MAN2A2: variants seen among roughly 807,000 people sequenced by gnomAD.
The protein encoded by MAN2A2 is alpha-mannosidase 2x.
A neutral mutation model predicts 126.8 loss-of-function variants in MAN2A2; 79 were observed. The observed-to-expected ratio is 0.62, with a 90% CI of 0.52 to 0.75. The LOEUF is 0.75. Ranked by LOEUF, MAN2A2 falls within the 30% of genes least tolerant of loss-of-function variation. The pLI, the probability that MAN2A2 is intolerant of heterozygous loss-of-function variation, is 0.00. For synonymous variants in MAN2A2, 671 were observed against 618.7 expected (o/e 1.08, Z -1.25); for missense variants, 1,392 against 1,522.4 (o/e 0.91, Z 1.43).
intron 4 of MAN2A2, 47 bp from the exon 5 acceptor site, chr15:90,905,798 C>T (rs1339474955): frequency 3.8e-6 from 6 of 1,588,540 alleles, no homozygotes; most frequent in Middle Eastern, 1.7e-4. Flanking sequence ...GGAGGGACGT[C>T]GAAGAAGATG....
chr15:90,904,933 GC>G (rs2151290361), intron 2 of MAN2A2, among the ~76,000 whole-genome samples: 1 of 152,294 alleles, frequency 6.6e-6, no homozygotes, highest in Admixed American at 6.5e-5. Context: ...ATTGATTGCA[GC>G]ATTCTTTGCC....
chr15:90,902,657 C>G (rs553278428), upstream of MAN2A2: 3 of 151,276 alleles, frequency 2.0e-5, no homozygotes, highest in African/African-American at 7.3e-5. Flanking sequence ...GCGGGGACCG[C>G]GGCGGCCAGA....
At chr15:90,913,497 C>A in intron 18 of MAN2A2, 91 bp downstream of exon 18, 1 of 1,569,366 alleles carries the variant, frequency 6.4e-7, no homozygotes, top group Non-Finnish European at 8.7e-7. Flanking sequence ...GATGATCTGC[C>A]CTGATGGAGA....
rs1488279784 is a variant in MAN2A2, at chr15:90,922,236, T to G, written c.*2449T>G. On this transcript the variant is annotated 3_prime_UTR_variant, in exon 23 of 23. Transcript: ENST00000559717. The stretch of plus-strand genomic sequence containing the variant: ...AGGAGAAAAGCTTGCTTCAGGGTCC[T>G]TAGAGAAAGTCACTGGGGCCTGCCA... 6.6e-6 allele frequency: 1 copy of G among 152,170 alleles called. No individual in the cohort carries two copies. The highest frequency in any genetic ancestry group is 2.4e-5 in the African/African-American group (1 of 41,436). The allele number at this position is 152,170 out of a possible 1,614,324, so 9.4% of individuals were successfully genotyped here. A position where few individuals can be genotyped will look rare whatever the true frequency, so the allele number is the denominator to read the frequency against.
chr15:90,912,897 C>G lies in MAN2A2; in HGVS notation c.2490C>G (p.Pro830=). 6.2e-7 allele frequency: 1 copy of G among 1,614,040 alleles called. No homozygotes were observed. The highest frequency in any genetic ancestry group is 8.5e-7 in the Non-Finnish European group (1 of 1,179,940). The part of the protein sequence containing the change: ...GEAKPYVPKE[P]PVLRVTEGPF... ...TCTAGCCCTACGTCCCCAAGGAGCC[C>G]CCCGTGCTGCGTGTCACTGAAGGCC... The change falls in exon 17 of 23, where the codon CCC becomes CCG. Residue 830 remains proline (P), a synonymous_variant. Coordinates refer to ENST00000559717, the MANE Select transcript of MAN2A2 (RefSeq NM_006122.4).
chr15:90,918,344 C>T lies in MAN2A2; in HGVS notation c.3145C>T (p.Pro1049Ser), dbSNP rs760390992. 1.2e-5 allele frequency: 20 copies of T among 1,614,168 alleles called. No individual in the cohort carries two copies. Among genetic ancestry groups the T allele is most frequent in the Non-Finnish European group, 1.7e-5 (20 of 1,180,016 alleles). ...RSFHPLASSL[P>S]CDFHLLNLRT... ...ATTTCATCCTCTGGCTTCCTCACTG[C>T]CCTGTGACTTCCACCTGCTCAACCT... The change falls in exon 21 of 23, where the codon CCC becomes TCC. Residue 1049 changes from proline to serine, a missense_variant. Pro to Ser is a moderately conservative substitution (Grantham distance 74). Transcript: ENST00000559717.
Position 90,919,688 on chromosome 15 carries a change from C to T in MAN2A2, c.3354C>T (p.Thr1118=), listed in dbSNP as rs1339867107. ...HGLDVVFLQP[T]SLTLLYPLAS... ...TGGATGTGGTATTCCTTCAGCCAAC[C>T]TCCTTGACGTTACTGTACCCTCTGG... Residue 1118 remains threonine, a synonymous_variant, in exon 23 of 23, where the codon ACC becomes ACT. Transcript: ENST00000559717. The T allele has an allele frequency of 6.2e-7, 1 of 1,614,134 alleles. No individual in the cohort carries two copies. Among genetic ancestry groups the T allele is most frequent in the Non-Finnish European group, 8.5e-7 (1 of 1,180,056 alleles).
chr15:90,917,243 C>G (rs1317686639), intron 20 of MAN2A2, among the ~76,000 whole-genome samples: 1 of 152,244 alleles, frequency 6.6e-6, no homozygotes, highest in Admixed American at 6.5e-5. Flanking sequence ...ATATTTCCAT[C>G]CTTGCAGAAT....
chr15:90,908,099 A>C (rs2034442934), intron 8 of MAN2A2, among the ~76,000 whole-genome samples: 1 of 152,242 alleles, frequency 6.6e-6, no homozygotes, highest in Non-Finnish European at 1.5e-5. Context: ...AACGTGACCA[A>C]AAGGGAAATA....
intron 17 of MAN2A2, 91 bp downstream of exon 17, chr15:90,913,082 C>T: frequency 8.4e-7 from 1 of 1,190,344 alleles, no homozygotes; most frequent in Non-Finnish European, 1.2e-6. Context: ...CTGTTCATAC[C>T]TCTGTTCCGT....
chr15:90,912,404 C>T (rs1365752507), intron 15 of MAN2A2, 125 bp downstream of exon 15: 18 of 1,565,484 alleles, frequency 1.1e-5, no homozygotes, highest in South Asian at 1.0e-4. Context: ...TGGACCGGGG[C>T]CTGGGCCATC....
At chr15:90,918,111 C>T in intron 20 of MAN2A2, 83 bp from the exon 21 acceptor site, 1 of 1,330,002 alleles carries the variant, frequency 7.5e-7, no homozygotes, top group Non-Finnish European at 1.1e-6. Context: ...AAACAACTGA[C>T]CTGGGTGTGC....
intron 14 of MAN2A2, 165 bp from the exon 15 acceptor site, chr15:90,911,875 AAGT>A (rs1315428928): frequency 7.4e-6 from 5 of 674,064 alleles, no homozygotes; most frequent in Admixed American, 2.4e-5. Context: ...GAGAATCATA[AAGT>A]CTGATGAGGA....
chr15:90,916,635 A>G (rs1011042717), intron 20 of MAN2A2: 70 of 1,301,440 alleles, frequency 5.4e-5, no homozygotes, highest in Non-Finnish European at 6.9e-5. Context: ...TTGATCTTTC[A>G]CAGCAGCAGG....
At position 90,913,283 on chromosome 15, in the gene MAN2A2, G is replaced by T. The variant is rs529628611; in HGVS notation, c.2595G>T (p.Gly865=). Reference sequence around the variant, plus strand: ...TGTTCCTGTACCCAGGGGTGGAGGGGCTGTCTCTGGACATATCATCCCTGG... The same window carrying T: ...TGTTCCTGTACCCAGGGGTGGAGGGTCTGTCTCTGGACATATCATCCCTGG... ...VRLYNLPGVE[G]LSLDISSLVD... Residue 865 remains glycine (G), a synonymous_variant, in exon 18 of 23, where the codon GGG becomes GGT. Transcript: ENST00000559717. The T allele has an allele frequency of 5.6e-6, 9 of 1,614,008 alleles. No individual in the cohort carries two copies. In the South Asian group the frequency reaches 7.7e-5, roughly 14 times the overall value.
intron 8 of MAN2A2, 42 bp downstream of exon 8, chr15:90,907,537 G>T (rs778499564): frequency 6.3e-7 from 1 of 1,581,018 alleles, no homozygotes; most frequent in Non-Finnish European, 8.6e-7. Flanking sequence ...GGAATCGGGA[G>T]GCCTGGCTCT....
chr15:90,911,746 G>A lies in MAN2A2; in HGVS notation c.2109+196G>A, dbSNP rs537907791. The A allele has an allele frequency of 1.3e-4, 85 of 638,036 alleles. No individual in the cohort carries two copies. The African/African-American group carries it at 1.4e-3, about 10-fold the overall frequency. 39.5% of individuals were successfully genotyped at this position (638,036 alleles called of 1,614,324 possible). On this transcript the variant is annotated intron_variant, in intron 14 of 22. Transcript: ENST00000559717. ...GCGTGTCCTTGAAAAGAAGGGGAAGGTTGGTATGGTAATAGTAATGGTAAA... is the reference window on the plus strand; with the variant it reads ...GCGTGTCCTTGAAAAGAAGGGGAAGATTGGTATGGTAATAGTAATGGTAAA...
In MAN2A2 at chr15:90,912,219, C is replaced by G; in HGVS notation, c.2286C>G (p.Asp762Glu). 6.2e-7 allele frequency: 1 copy of G among 1,614,236 alleles called. No homozygotes were observed. Among genetic ancestry groups the G allele is most frequent in the Non-Finnish European group, 8.5e-7 (1 of 1,180,048 alleles). Residue 762 changes from aspartate (D) to glutamate (E), a missense_variant, in exon 15 of 23, where the codon GAC becomes GAG. Physicochemically the swap from Asp to Glu is conservative, Grantham distance 45. Coordinates refer to ENST00000559717, the MANE Select transcript of MAN2A2 (RefSeq NM_006122.4). The part of the protein sequence containing the change: ...PLRVIDSGTS[D>E]FALSNRYMQV... ...GTGTCATTGACTCTGGCACCAGCGA[C>G]TTCGCCCTCAGCAACCGCTACATGC...
At chr15:90,911,083 TGCAGCC>T in intron 12 of MAN2A2, 82 bp from the exon 13 acceptor site, 1 of 1,504,580 alleles carries the variant, frequency 6.6e-7, no homozygotes, top group Non-Finnish European at 9.2e-7. Context: ...CTGTGCCCAG[TGCAGCC>T]GCTGGTCCAC....
Sources: allele counts gnomAD v4.1 joint callset (sites outside exome capture counted in the v4.1 genomes callset), GRCh38; gene constraint gnomAD v4.1.1; transcripts MANE v1.5; gene names NCBI Gene and HGNC (gene_info 2026-07-23, HGNC 2026-07-21).